PSTPIP2: variants seen among roughly 807,000 people sequenced by gnomAD.
The protein encoded by PSTPIP2 is proline-serine-threonine phosphatase-interacting protein 2.
A neutral mutation model predicts 63.3 loss-of-function variants in PSTPIP2; 33 were observed. That is an observed-to-expected ratio of 0.52 (90% CI 0.40 to 0.70). The LOEUF (loss-of-function observed/expected upper bound fraction) is 0.70. PSTPIP2 is among the 30% of genes least tolerant of loss of function. The pLI, the probability that PSTPIP2 is intolerant of heterozygous loss-of-function variation, is 0.00. For missense variants in PSTPIP2, 312 were observed against 400.7 expected (o/e 0.78, Z 1.89); for synonymous variants, 125 against 132.7 (o/e 0.94, Z 0.40).
intron 2 of PSTPIP2, among the ~76,000 whole-genome samples, chr18:46,033,450 C>G (rs1245115222): frequency 6.6e-6 from 1 of 152,096 alleles, no homozygotes; most frequent in East Asian, 1.9e-4. Context: ...ATAATCCCAG[C>G]ACTTTGGGAG....
chr18:46,056,159 T>A (rs1306565149), intron 1 of PSTPIP2, among the ~76,000 whole-genome samples: 1 of 152,238 alleles, frequency 6.6e-6, no homozygotes, highest in South Asian at 2.1e-4. Context: ...TCGCTTCTTA[T>A]GTCCAGGTGG....
At chr18:46,056,595 T>G (rs1034784076) in intron 1 of PSTPIP2, among the ~76,000 whole-genome samples, 9 of 152,082 alleles carry the variant, frequency 5.9e-5, no homozygotes, top group African/African-American at 1.9e-4. Context: ...AGCATGGTGG[T>G]GCACACCTGT....
intron 1 of PSTPIP2, among the ~76,000 whole-genome samples, chr18:46,049,044 GTGTGTGTGTGT>G (rs1451121514): frequency 6.7e-6 from 1 of 148,828 alleles, no homozygotes; most frequent in Non-Finnish European, 1.5e-5. Flanking sequence ...GTGTGTGTGT[GTGTGTGTGTGT>G]GGAGAGAGAG....
chr18:45,994,557 T>C (rs1568209875), intron 9 of PSTPIP2, among the ~76,000 whole-genome samples: 1 of 152,238 alleles, frequency 6.6e-6, no homozygotes, highest in East Asian at 1.9e-4. Flanking sequence ...CTACAGGTTT[T>C]ATTCAAAACC....
intron 6 of PSTPIP2, among the ~76,000 whole-genome samples, chr18:46,001,931 A>G (rs1013122812): frequency 6.6e-6 from 1 of 152,190 alleles, no homozygotes; most frequent in Non-Finnish European, 1.5e-5. Flanking sequence ...AAAATATATA[A>G]TTAAGTGATT....
intron 2 of PSTPIP2, among the ~76,000 whole-genome samples, chr18:46,027,942 G>T (rs1907641539): frequency 6.6e-6 from 1 of 152,138 alleles, no homozygotes; most frequent in Non-Finnish European, 1.5e-5. Flanking sequence ...AGGCGGATCA[G>T]TTGAAGACAG....
chr18:46,041,236 T>C (rs375909096), intron 1 of PSTPIP2, among the ~76,000 whole-genome samples: 3 of 152,132 alleles, frequency 2.0e-5, no homozygotes, highest in Admixed American at 2.0e-4. Flanking sequence ...GGAATATATA[T>C]ATATGTTATG....
chr18:46,064,723 C>A (rs1313039084), intron 1 of PSTPIP2, among the ~76,000 whole-genome samples: 1 of 152,058 alleles, frequency 6.6e-6, no homozygotes, highest in Non-Finnish European at 1.5e-5. Flanking sequence ...GCAAGAGTGA[C>A]TTATTAGAGA....
chr18:46,020,180 T>A (rs1222585447), intron 3 of PSTPIP2, among the ~76,000 whole-genome samples: 1 of 152,212 alleles, frequency 6.6e-6, no homozygotes, highest in African/African-American at 2.4e-5. Context: ...ACCATGGGAA[T>A]GGTGGCGTAA....
At chr18:46,043,506 C>T (rs1908270233) in intron 1 of PSTPIP2, among the ~76,000 whole-genome samples, 1 of 152,104 alleles carries the variant, frequency 6.6e-6, no homozygotes. Context: ...AATGGAATGT[C>T]CTCAATCTGA....
At chr18:46,015,611 C>G (rs1156393664) in intron 4 of PSTPIP2, among the ~76,000 whole-genome samples, 1 of 152,172 alleles carries the variant, frequency 6.6e-6, no homozygotes, top group Non-Finnish European at 1.5e-5. Flanking sequence ...ATCAGAAACT[C>G]TGGGGATGGG....
At chr18:46,045,559 C>T (rs1032669662) in intron 1 of PSTPIP2, among the ~76,000 whole-genome samples, 1 of 151,794 alleles carries the variant, frequency 6.6e-6, no homozygotes, top group African/African-American at 2.4e-5. Flanking sequence ...ATACCTAATG[C>T]TAAATGATGA....
chr18:46,035,394 T>C (rs1342645267), intron 2 of PSTPIP2, among the ~76,000 whole-genome samples: 9 of 144,946 alleles, frequency 6.2e-5, no homozygotes, highest in African/African-American at 2.3e-4. Context: ...TACTCTAGCC[T>C]GGATGACAGA....
chr18:46,035,436 AAGAG>A (rs1333262545), intron 2 of PSTPIP2, among the ~76,000 whole-genome samples: 36 of 140,824 alleles, frequency 2.6e-4, no homozygotes, highest in African/African-American at 1.0e-3. Flanking sequence ...AAAAAAAGAA[AAGAG>A]AGAGAGAGAG....
Position 46,005,510 on chromosome 18 carries a change from T to C in PSTPIP2, c.376A>G (p.Ile126Val), listed in dbSNP as rs999213149. Residue 126 changes from isoleucine to valine, a missense_variant, in exon 6 of 15, where the codon ATC becomes GTC. Transcript: ENST00000409746. ...AATTGTAAGCTCTTTTGTTTATGGA[T>C]AGCATCCATTATGAGCTCTGTCTGT... Reference protein sequence around the residue: ...RKKTELIMDAIHKQKSLQFKK... With the variant: ...RKKTELIMDAVHKQKSLQFKK... 6.3e-7 allele frequency: 1 copy of C among 1,599,128 alleles called. No homozygotes were observed. Among genetic ancestry groups the C allele is most frequent in the African/African-American group, 1.3e-5 (1 of 74,636 alleles).
At chr18:46,004,497 T>A (rs142928614) in intron 6 of PSTPIP2, among the ~76,000 whole-genome samples, 1 of 152,356 alleles carries the variant, frequency 6.6e-6, no homozygotes, top group East Asian at 1.9e-4. Context: ...AATTTTCAGA[T>A]ATCTTAAAAC....
chr18:46,005,363 A>G, intron 6 of PSTPIP2, 106 bp downstream of exon 6: 1 of 987,422 alleles, frequency 1.0e-6, no homozygotes, highest in Admixed American at 3.0e-5. Flanking sequence ...ACTAATAAAT[A>G]ATAACATTTT....
At chr18:46,002,783 C>G (rs1419598455) in intron 6 of PSTPIP2, among the ~76,000 whole-genome samples, 6 of 151,824 alleles carry the variant, frequency 4.0e-5, no homozygotes, top group African/African-American at 1.5e-4. Flanking sequence ...TTGTGAGACC[C>G]CCCCATCTCA....
chr18:45,994,785 C>T (rs1179528673), intron 9 of PSTPIP2, among the ~76,000 whole-genome samples: 1 of 151,954 alleles, frequency 6.6e-6, no homozygotes, highest in Non-Finnish European at 1.5e-5. Flanking sequence ...GAAGCAAATG[C>T]ATTATTTCAC....
Sources: gnomAD v4.1 joint callset for allele counts (sites outside exome capture counted in the v4.1 genomes callset) on GRCh38, gnomAD v4.1.1 for gene constraint, MANE v1.5 for transcripts, NCBI Gene and HGNC (gene_info 2026-07-23, HGNC 2026-07-21) for gene names.